Variants in PDZRN3 observed in about 807,000 individuals in gnomAD.
The protein encoded by PDZRN3 is PDZ domain containing ring finger 3.
Under a neutral mutation model 85.7 loss-of-function variants are expected in PDZRN3, and 38 were observed. The ratio of observed to expected loss-of-function variants is 0.44; its 90% CI spans 0.34 to 0.58. The LOEUF (loss-of-function observed/expected upper bound fraction) is 0.58, where lower values mean the gene tolerates loss of function less well. Among genes scored for constraint, PDZRN3 ranks in the 20% least tolerant of loss-of-function variants. The probability of loss-of-function intolerance (pLI) is 0.01; values close to 1 mark genes in which losing one functional copy is unlikely to be tolerated. For missense variants in PDZRN3, 1,629 were observed against 1,506.4 expected (o/e 1.08, Z -1.35); for synonymous variants, 759 against 638.0 (o/e 1.19, Z -2.86).
At chr3:73,473,483 A>G (rs1282639462) in intron 3 of PDZRN3, among the ~76,000 whole-genome samples, 12 of 152,126 alleles carry the variant, frequency 7.9e-5, no homozygotes, top group Admixed American at 7.9e-4. Flanking sequence ...AAAAACAGAA[A>G]TTGGAGATAC....
At chr3:73,390,547 C>T (rs1302370088) in intron 6 of PDZRN3, among the ~76,000 whole-genome samples, 3 of 151,402 alleles carry the variant, frequency 2.0e-5, no homozygotes, top group South Asian at 4.2e-4. Context: ...ATCAAAACAG[C>T]GTGCATCTAT....
intron 6 of PDZRN3, among the ~76,000 whole-genome samples, chr3:73,390,319 G>T (rs1478064393): frequency 6.6e-6 from 1 of 152,180 alleles, no homozygotes; most frequent in East Asian, 1.9e-4. Context: ...AGGGGGACTG[G>T]TAAGGGGAGG....
At chr3:73,509,652 A>C (rs1704129124) in intron 3 of PDZRN3, among the ~76,000 whole-genome samples, 1 of 152,200 alleles carries the variant, frequency 6.6e-6, no homozygotes, top group Non-Finnish European at 1.5e-5. Flanking sequence ...AGCAAAATTT[A>C]ATTTTAAATT....
intron 3 of PDZRN3, among the ~76,000 whole-genome samples, chr3:73,567,865 T>C (rs780467769): frequency 2.6e-5 from 4 of 152,206 alleles, no homozygotes; most frequent in Non-Finnish European, 2.9e-5. Flanking sequence ...GTCCTTGCCT[T>C]CATGGAGTTT....
At chr3:73,601,937 G>T (rs1702521021) in intron 3 of PDZRN3, among the ~76,000 whole-genome samples, 1 of 152,160 alleles carries the variant, frequency 6.6e-6, no homozygotes, top group South Asian at 2.1e-4. Flanking sequence ...AGTGTGTGCT[G>T]TGTGAGCTCT....
chr3:73,474,965 CAA>C (rs1012647355), intron 3 of PDZRN3, among the ~76,000 whole-genome samples: 2 of 152,078 alleles, frequency 1.3e-5, no homozygotes, highest in African/African-American at 4.8e-5. Flanking sequence ...CTTTTCTGCT[CAA>C]AGAGTCAGGC....
intron 3 of PDZRN3, among the ~76,000 whole-genome samples, chr3:73,564,604 C>T (rs1176958817): frequency 6.6e-6 from 1 of 152,200 alleles, no homozygotes; most frequent in Non-Finnish European, 1.5e-5. Flanking sequence ...GGTCCAATCC[C>T]TCTTAGGGCT....
intron 1 of PDZRN3, among the ~76,000 whole-genome samples, chr3:73,612,585 A>G (rs1014957271): frequency 6.6e-6 from 1 of 152,232 alleles, no homozygotes; most frequent in African/African-American, 2.4e-5. Flanking sequence ...TGCATCTGGC[A>G]AGGAAGCAGA....
intron 3 of PDZRN3, among the ~76,000 whole-genome samples, chr3:73,481,858 A>G (rs1233790799): frequency 6.6e-6 from 1 of 152,212 alleles, no homozygotes; most frequent in Non-Finnish European, 1.5e-5. Context: ...AGAGAGAAAA[A>G]GACAAAAAAA....
chr3:73,414,160 C>T (rs962838920), intron 3 of PDZRN3, among the ~76,000 whole-genome samples: 1 of 152,174 alleles, frequency 6.6e-6, no homozygotes, highest in Non-Finnish European at 1.5e-5. Context: ...AGCAAGAAAA[C>T]AAGCAACATC....
chr3:73,537,294 A>T (rs1022107103), intron 3 of PDZRN3, among the ~76,000 whole-genome samples: 6 of 152,196 alleles, frequency 3.9e-5, no homozygotes, highest in Admixed American at 2.0e-4. Flanking sequence ...AATCCCTGCA[A>T]AGAACAGAGC....
Position 73,615,626 on chromosome 3 carries a change from T to C in PDZRN3, c.724-6942A>G, listed in dbSNP as rs142479633. On this transcript the variant is annotated intron_variant, in intron 1 of 9. Transcript: ENST00000263666. ...AGACAGCCATCTGTGAACCAGTAAG[T>C]GGGTCCTCACCAGACCCTGAATCTG... Among the ~76,000 whole-genome samples the C allele has an allele frequency of 3.3e-3, 502 of 152,300 alleles. 3 individuals are homozygous for C. Among genetic ancestry groups the C allele is most frequent in the African/African-American group, 0.012 (481 of 41,554 alleles).
In PDZRN3 at chr3:73,507,070, T is replaced by C. The variant is rs9869934; in HGVS notation, c.918+95284A>G. Among the ~76,000 whole-genome samples, 39 of 152,300 alleles carry C rather than the reference T, an allele frequency of 2.6e-4. No homozygotes were observed. In the South Asian group the frequency reaches 5.8e-3, roughly 23 times the overall value. On this transcript the variant is annotated intron_variant, in intron 3 of 9. Coordinates refer to ENST00000263666, the MANE Select transcript of PDZRN3 (RefSeq NM_015009.3). Reference sequence around the variant, plus strand: ...TGAAAAACTACCTAATGACAAAATATTGTTTGTGGAACACTGCAAAGTAAA... The same window carrying C: ...TGAAAAACTACCTAATGACAAAATACTGTTTGTGGAACACTGCAAAGTAAA...
chr3:73,401,213 T>G (rs764492323), intron 4 of PDZRN3: 4 of 510,742 alleles, frequency 7.8e-6, no homozygotes, highest in African/African-American at 1.9e-5. Context: ...CATTTCCTCC[T>G]GAAGGACTTA....
intron 3 of PDZRN3, among the ~76,000 whole-genome samples, chr3:73,527,189 T>C (rs932778834): frequency 1.3e-5 from 2 of 152,144 alleles, no homozygotes; most frequent in Non-Finnish European, 2.9e-5. Context: ...ACCTTCCTGA[T>C]GCACAGTGGT....
At chr3:73,594,683 T>G (rs968064638) in intron 3 of PDZRN3, among the ~76,000 whole-genome samples, 6 of 143,398 alleles carry the variant, frequency 4.2e-5, no homozygotes, top group Non-Finnish European at 7.8e-5. Context: ...AGTAAGGAGA[T>G]CAGCTGCATT....
chr3:73,520,950 C>T (rs559053958), intron 3 of PDZRN3, among the ~76,000 whole-genome samples: 75 of 152,246 alleles, frequency 4.9e-4, no homozygotes, highest in South Asian at 1.0e-3. Context: ...GCCAGAGCCC[C>T]GGAGAACCTC....
rs1264752247 is a variant in PDZRN3 at position 73,436,745 on chromosome 3, T to C, written c.919-32350A>G. On this transcript the variant is annotated intron_variant, in intron 3 of 9. Transcript: ENST00000263666. ...ATTTTGGCCTTAGGAACTCTTTCACTCTTAAAAATTACTGAGAACCGGCCG... is the reference window on the plus strand; with the variant it reads ...ATTTTGGCCTTAGGAACTCTTTCACCCTTAAAAATTACTGAGAACCGGCCG... Among the ~76,000 whole-genome samples, 3 of 152,230 alleles carry C rather than the reference T, an allele frequency of 2.0e-5. No homozygotes were observed. The East Asian group carries it at 5.8e-4, about 29-fold the overall frequency.
chr3:73,389,124 A>G (rs1471243716), intron 7 of PDZRN3, among the ~76,000 whole-genome samples: 2 of 151,996 alleles, frequency 1.3e-5, no homozygotes, highest in Non-Finnish European at 2.9e-5. Flanking sequence ...GCAATGAGAA[A>G]AACACAGTGG....
Sources: allele counts gnomAD v4.1 joint callset (sites outside exome capture counted in the v4.1 genomes callset), GRCh38; gene constraint gnomAD v4.1.1; transcripts MANE v1.5; gene names NCBI Gene and HGNC (gene_info 2026-07-23, HGNC 2026-07-21).